Variants in ERN1 observed in about 807,000 individuals in gnomAD.
The protein encoded by ERN1 is endoplasmic reticulum to nucleus signaling 1, also known as serine/threonine-protein kinase/endoribonuclease IRE1.
Under a neutral mutation model 113.1 loss-of-function variants are expected in ERN1, and 39 were observed. The ratio of observed to expected loss-of-function variants is 0.34; its 90% CI spans 0.27 to 0.45. ERN1 has a LOEUF of 0.45. ERN1 is among the 20% of genes least tolerant of loss of function. ERN1 has a pLI of 1.00. For synonymous variants in ERN1, 507 were observed against 515.9 expected, an observed-to-expected ratio of 0.98 and a Z score of 0.23; for missense variants, 976 against 1,274.8, an observed-to-expected ratio of 0.77 and a Z score of 3.57.
At chr17:64,129,882 C>A in intron 1 of ERN1, 94 bp downstream of exon 1, 2 of 1,190,416 alleles carry the variant, frequency 1.7e-6, no homozygotes, top group Non-Finnish European at 2.1e-6. Flanking sequence ...GTCGCGCTCC[C>A]AGCTCGGACT....
intron 5 of ERN1, 101 bp from the exon 6 acceptor site, chr17:64,072,204 G>T: frequency 7.8e-7 from 1 of 1,274,598 alleles, no homozygotes; most frequent in Non-Finnish European, 1.1e-6. Context: ...AGATAGACCT[G>T]AATTTCTTAG....
chr17:64,086,795 T>C (rs747803294), intron 2 of ERN1, among the ~76,000 whole-genome samples: 1 of 151,888 alleles, frequency 6.6e-6, no homozygotes, highest in Non-Finnish European at 1.5e-5. Flanking sequence ...TACAGGCGTG[T>C]GCCACCACAC....
chr17:64,114,529 G>A (rs1189361339), intron 1 of ERN1, among the ~76,000 whole-genome samples: 1 of 152,216 alleles, frequency 6.6e-6, no homozygotes, highest in African/African-American at 2.4e-5. Context: ...AGGACCCGGT[G>A]GACCAGTGTA....
At chr17:64,095,858 C>G (rs1470702085) in intron 2 of ERN1, among the ~76,000 whole-genome samples, 2 of 152,216 alleles carry the variant, frequency 1.3e-5, no homozygotes, top group African/African-American at 4.8e-5. Flanking sequence ...CCAGGCCTCA[C>G]TCCTGACTGA....
At chr17:64,109,122 C>T (rs1914608327) in intron 1 of ERN1, among the ~76,000 whole-genome samples, 2 of 150,964 alleles carry the variant, frequency 1.3e-5, no homozygotes, top group Admixed American at 1.3e-4. Flanking sequence ...GAAACTCCAT[C>T]TCAAAAAAAA....
In ERN1 at chr17:64,054,277, G is replaced by A. The variant is rs1205514049; in HGVS notation, c.1926C>T (p.Ile642=). ...CTTGCAGGGTGGCTGCACACAGCTC[G>A]ATGGCAATGTACTGGAATTGCCGGT... ...EKDRQFQYIA[I]ELCAATLQEY... is the part of the protein sequence containing the mutation. Residue 642 remains isoleucine, a synonymous_variant, in exon 15 of 22, where the codon ATC becomes ATT. Coordinates refer to ENST00000433197, the MANE Select transcript of ERN1 (RefSeq NM_001433.5). This position sits in a 1 kb window ranked among gnomAD's most constrained non-coding sequence, Gnocchi z 4.9. The A allele has an allele frequency of 9.3e-6, 15 of 1,613,556 alleles. No individual in the cohort carries two copies. The South Asian group carries it at 1.2e-4, about 13-fold the overall frequency.
intron 5 of ERN1, among the ~76,000 whole-genome samples, chr17:64,074,675 G>T (rs1240262730): frequency 1.3e-5 from 2 of 152,094 alleles, no homozygotes; most frequent in Non-Finnish European, 2.9e-5. Flanking sequence ...TGACATTTTG[G>T]CAGCAACATA....
chr17:64,052,996 G>A lies in ERN1; in HGVS notation c.2054-17C>T, dbSNP rs1489034094. ...CTCTGTGAACTAACAGAGAACTCCAGATTAGTCCAATGCTTACCAGGAGCA... is the reference window on the plus strand; with the variant it reads ...CTCTGTGAACTAACAGAGAACTCCAAATTAGTCCAATGCTTACCAGGAGCA... On this transcript the variant is annotated splice_polypyrimidine_tract_variant and intron_variant, in intron 16 of 21. Transcript: ENST00000433197. The A allele has an allele frequency of 6.3e-7, 1 of 1,587,406 alleles. No homozygotes were observed. The highest frequency in any genetic ancestry group is 8.6e-7 in the Non-Finnish European group (1 of 1,165,296).
chr17:64,048,954 C>G (rs1912597461), intron 18 of ERN1, 101 bp downstream of exon 18: 1 of 1,238,630 alleles, frequency 8.1e-7, no homozygotes. Flanking sequence ...AGCTGGGGCA[C>G]CACGGCCTCT....
intron 2 of ERN1, among the ~76,000 whole-genome samples, chr17:64,090,424 G>T (rs896304524): frequency 7.9e-5 from 12 of 152,134 alleles, no homozygotes; most frequent in African/African-American, 2.9e-4. Context: ...CACACTGAAC[G>T]TTATAATCAA....
rs775654259 is a variant in ERN1 at position 64,073,334 on chromosome 17, A to ATTTTTTT, written c.356-1232_356-1231insAAAAAAA. 4.5e-5 allele frequency among the ~76,000 whole-genome samples: 6 copies of ATTTTTTT among 134,430 alleles called. 2 individuals are homozygous for ATTTTTTT. The highest frequency in any genetic ancestry group is 6.3e-5 in the Non-Finnish European group (4 of 63,242). 88.2% of individuals were successfully genotyped at this position (134,430 alleles called of 152,430 possible). ...CAGGTGCGTGCCACCACACCCAGCA[A>ATTTTTTT]ATTTTTTTTTTTTTTTTTTTTTAGT... On this transcript the variant is annotated intron_variant, in intron 5 of 21. Coordinates refer to ENST00000433197, the MANE Select transcript of ERN1 (RefSeq NM_001433.5).
chr17:64,054,664 T>G lies in ERN1; in HGVS notation c.1763+74A>C. 7.9e-7 allele frequency: 1 copy of G among 1,262,598 alleles called. No homozygotes were observed. Among genetic ancestry groups the G allele is most frequent in the South Asian group, 1.3e-5 (1 of 74,146 alleles). 78.2% of individuals were successfully genotyped at this position (1,262,598 alleles called of 1,614,324 possible). Reference sequence around the variant, plus strand: ...CTTTGACCCTGCTGTGCTCTGAGCCTGGCACCAGGCTCGCAACCTGACAGG... The same window carrying G: ...CTTTGACCCTGCTGTGCTCTGAGCCGGGCACCAGGCTCGCAACCTGACAGG... On this transcript the variant is annotated intron_variant, in intron 14 of 21. Transcript: ENST00000433197. The surrounding 1 kb of genome is among the most constrained non-coding windows in gnomAD (Gnocchi z 4.9).
At chr17:64,090,499 A>T (rs1914058390) in intron 2 of ERN1, among the ~76,000 whole-genome samples, 1 of 152,216 alleles carries the variant, frequency 6.6e-6, no homozygotes, top group African/African-American at 2.4e-5. Context: ...AGGATGTCAT[A>T]ACTTCACAGA....
At chr17:64,077,901 G>A (rs923228515) in intron 4 of ERN1, among the ~76,000 whole-genome samples, 7 of 151,946 alleles carry the variant, frequency 4.6e-5, no homozygotes, top group Admixed American at 1.3e-4. Context: ...GCCCGCCACC[G>A]CACCTGGCTA....
At position 64,044,054 on chromosome 17, in the gene ERN1, G is replaced by T. The variant is rs1169044039; in HGVS notation, c.2868C>A (p.Leu956=). The T allele has an allele frequency of 1.2e-6, 2 of 1,613,792 alleles. No homozygotes were observed. The highest frequency in any genetic ancestry group is 2.2e-5 in the South Asian group (2 of 91,040). Residue 956 remains leucine, a synonymous_variant, in exon 22 of 22, where the codon CTC becomes CTA. Coordinates refer to ENST00000433197, the MANE Select transcript of ERN1 (RefSeq NM_001433.5). The surrounding 1 kb of genome is among the most constrained non-coding windows in gnomAD (Gnocchi z 4.1). ...RAMELCSHER[L]FQPYYFHEPP... The stretch of plus-strand genomic sequence containing the variant: ...GCTCGTGGAAGTAGTAGGGCTGGAA[G>T]AGTCTCTCGTGGCTGCACAGCTCCA...
chr17:64,074,372 C>T (rs578105742), intron 5 of ERN1, among the ~76,000 whole-genome samples: 4 of 152,280 alleles, frequency 2.6e-5, no homozygotes, highest in African/African-American at 7.2e-5. Context: ...TCCCAGGTCA[C>T]GGCCCACAGA....
At chr17:64,105,633 T>C (rs1295297703) in intron 1 of ERN1, among the ~76,000 whole-genome samples, 1 of 152,198 alleles carries the variant, frequency 6.6e-6, no homozygotes, top group Non-Finnish European at 1.5e-5. Context: ...TGGATTACTG[T>C]TATATTGCAT....
intron 1 of ERN1, among the ~76,000 whole-genome samples, chr17:64,106,233 C>CTTT (rs1331459944): frequency 6.6e-6 from 1 of 152,116 alleles, no homozygotes; most frequent in Non-Finnish European, 1.5e-5. Context: ...AAAGGTAAGA[C>CTTT]TTGAAACAAG....
chr17:64,086,235 C>T (rs997082759), intron 2 of ERN1, among the ~76,000 whole-genome samples: 11 of 152,218 alleles, frequency 7.2e-5, no homozygotes, highest in Non-Finnish European at 1.5e-4. Context: ...ACTATCTTCA[C>T]CATCAAGATA....
Sources: gnomAD v4.1 joint callset for allele counts (sites outside exome capture counted in the v4.1 genomes callset) on GRCh38, gnomAD v4.1.1 for gene constraint, Gnocchi (gnomAD v3.1) non-coding constraint, MANE v1.5 for transcripts, NCBI Gene and HGNC (gene_info 2026-07-23, HGNC 2026-07-21) for gene names.